PARD3B: variants seen among roughly 807,000 people sequenced by gnomAD.
The protein encoded by PARD3B is partitioning defective 3 homolog B.
PARD3B carries 103 observed loss-of-function variants against 130.2 expected under a neutral mutation model. That is an observed-to-expected ratio of 0.79 (90% confidence interval 0.67 to 0.93). The LOEUF is 0.93. Ranked by LOEUF, PARD3B falls within the 40% of genes least tolerant of loss-of-function variation. The pLI is 0.00. For synonymous variants in PARD3B, 583 were observed against 553.2 expected (o/e 1.05, Z -0.76); for missense variants, 1,609 against 1,499.2 (o/e 1.07, Z -1.21).
chr2:204,911,405 A>G (rs1446441192), intron 2 of PARD3B, among the ~76,000 whole-genome samples: 3 of 152,242 alleles, frequency 2.0e-5, no homozygotes, highest in Non-Finnish European at 4.4e-5. Flanking sequence ...AACAAATTGT[A>G]TAGAAAACAC....
intron 18 of PARD3B, among the ~76,000 whole-genome samples, chr2:205,336,069 G>C (rs2043304601): frequency 6.6e-6 from 1 of 152,154 alleles, no homozygotes; most frequent in Admixed American, 6.5e-5. Context: ...GGCCAGGCTG[G>C]TCTCAAACTC....
intron 15 of PARD3B, among the ~76,000 whole-genome samples, chr2:205,204,493 C>G (rs1020849986): frequency 6.6e-6 from 1 of 152,084 alleles, no homozygotes; most frequent in Non-Finnish European, 1.5e-5. Flanking sequence ...GTTGCCATTG[C>G]TTTTGGTGTT....
At chr2:205,081,252 T>C (rs559866640) in intron 4 of PARD3B, among the ~76,000 whole-genome samples, 1 of 152,068 alleles carries the variant, frequency 6.6e-6, no homozygotes, top group Non-Finnish European at 1.5e-5. Flanking sequence ...ATTTTTGTCA[T>C]TTATTTTAAA....
chr2:204,574,702 C>A (rs2032167095), intron 1 of PARD3B, among the ~76,000 whole-genome samples: 1 of 152,150 alleles, frequency 6.6e-6, no homozygotes, highest in Admixed American at 6.5e-5. Flanking sequence ...TAAATGAGGT[C>A]ACATTTCTGA....
chr2:205,007,776 G>A (rs1695391524), intron 3 of PARD3B, among the ~76,000 whole-genome samples: 1 of 152,054 alleles, frequency 6.6e-6, no homozygotes, highest in South Asian at 2.1e-4. Context: ...GATTGCTTTG[G>A]GCAGTATGAT....
chr2:205,222,740 A>T (rs944038337), intron 15 of PARD3B, among the ~76,000 whole-genome samples: 1 of 152,192 alleles, frequency 6.6e-6, no homozygotes, highest in Non-Finnish European at 1.5e-5. Context: ...TCTGAGAATC[A>T]TGAAAGCTTT....
rs2041494642 is a variant in PARD3B at position 205,288,784 on chromosome 2, A to G, written c.2186-11746A>G. ...CACCTCCTACTTCTCTTACCTATATATCATCCATCTTCAAGGATATGACCC... is the reference window on the plus strand; with the variant it reads ...CACCTCCTACTTCTCTTACCTATATGTCATCCATCTTCAAGGATATGACCC... On this transcript the variant is annotated intron_variant, in intron 16 of 22. Transcript: ENST00000406610. This position sits in a 1 kb window ranked among gnomAD's most constrained non-coding sequence, Gnocchi z 4.0. Among the ~76,000 whole-genome samples, 1 of 152,124 alleles carries G rather than the reference A, an allele frequency of 6.6e-6. No homozygotes were observed. The highest frequency in any genetic ancestry group is 2.4e-5 in the African/African-American group (1 of 41,442).
intron 3 of PARD3B, among the ~76,000 whole-genome samples, chr2:204,986,812 C>T (rs993586188): frequency 1.3e-5 from 2 of 152,186 alleles, no homozygotes; most frequent in Admixed American, 6.5e-5. Flanking sequence ...CCACCTTTTA[C>T]GTCCTGCCAT....
intron 2 of PARD3B, among the ~76,000 whole-genome samples, chr2:204,711,252 G>C (rs1209369148): frequency 6.6e-6 from 1 of 152,052 alleles, no homozygotes; most frequent in Non-Finnish European, 1.5e-5. Context: ...CATATTTCTA[G>C]AATACTGACA....
At chr2:204,888,881 T>A (rs905174044) in intron 2 of PARD3B, among the ~76,000 whole-genome samples, 2 of 152,112 alleles carry the variant, frequency 1.3e-5, no homozygotes, top group African/African-American at 2.4e-5. Flanking sequence ...ACTAGGTATT[T>A]TATGAAACAT....
At chr2:205,054,437 T>TATATATATATATATATATATA (rs1491373014) in intron 4 of PARD3B, among the ~76,000 whole-genome samples, 9 of 27,510 alleles carry the variant, frequency 3.3e-4, no homozygotes, top group South Asian at 4.5e-3. Flanking sequence ...TATATATATA[T>TATATATATATATATATATATA]TTTTTTTTTT....
intron 2 of PARD3B, among the ~76,000 whole-genome samples, chr2:204,872,540 T>C (rs1202464649): frequency 6.6e-6 from 1 of 152,168 alleles, no homozygotes; most frequent in East Asian, 1.9e-4. Context: ...TATGCGGTTT[T>C]CTTGACTTGT....
chr2:204,754,372 C>T lies in PARD3B; in HGVS notation c.222+68090C>T, dbSNP rs190073709. Among the ~76,000 whole-genome samples, 752 of 152,222 alleles carry T rather than the reference C, an allele frequency of 4.9e-3. 2 individuals are homozygous for T. Among genetic ancestry groups the T allele is most frequent in the Non-Finnish European group, 7.5e-3 (509 of 68,016 alleles). On this transcript the variant is annotated intron_variant, in intron 2 of 22. Transcript: ENST00000406610. The stretch of plus-strand genomic sequence containing the variant: ...AGCTCATAATGTTAAAGAGAGGGAA[C>T]TCGAAAGGCAGTCTTCCTGGGTTTA...
chr2:205,080,974 A>G (rs1054135875), intron 4 of PARD3B, among the ~76,000 whole-genome samples: 1 of 151,774 alleles, frequency 6.6e-6, no homozygotes, highest in Non-Finnish European at 1.5e-5. Flanking sequence ...GATTTCATCC[A>G]TCTCCCTCCT....
At chr2:205,107,788 A>T (rs963337683) in intron 5 of PARD3B, among the ~76,000 whole-genome samples, 1 of 152,238 alleles carries the variant, frequency 6.6e-6, no homozygotes, top group African/African-American at 2.4e-5. Flanking sequence ...TACAATATGC[A>T]TCTCTTATGA....
intron 1 of PARD3B, among the ~76,000 whole-genome samples, chr2:204,662,582 G>T (rs903196177): frequency 2.0e-5 from 3 of 152,104 alleles, no homozygotes; most frequent in African/African-American, 7.2e-5. Flanking sequence ...TGCTTCATGT[G>T]TACTTCCTAT....
Position 205,146,628 on chromosome 2 carries a change from G to T in PARD3B, c.1435-12094G>T, listed in dbSNP as rs1365465596. On this transcript the variant is annotated intron_variant, in intron 10 of 22. Transcript: ENST00000406610. This position sits in a 1 kb window ranked among gnomAD's most constrained non-coding sequence, Gnocchi z 4.3. The stretch of plus-strand genomic sequence containing the variant: ...ATAGCGCCACTGCACTCCAGCCTGG[G>T]CGACAGAGCGAGACTCCGCCTCAAA... Among the ~76,000 whole-genome samples the T allele has an allele frequency of 2.6e-5, 4 of 151,930 alleles. No individual in the cohort carries two copies. The highest frequency in any genetic ancestry group is 2.6e-4 in the Admixed American group (4 of 15,268).
intron 2 of PARD3B, among the ~76,000 whole-genome samples, chr2:204,721,722 C>T (rs1043755506): frequency 1.3e-5 from 2 of 151,934 alleles, no homozygotes; most frequent in African/African-American, 4.8e-5. Context: ...AGTCAGTATC[C>T]TTTTGGCCAT....
intron 1 of PARD3B, among the ~76,000 whole-genome samples, chr2:204,546,851 A>G (rs774071230): frequency 1.3e-5 from 2 of 152,076 alleles, no homozygotes; most frequent in African/African-American, 4.8e-5. Context: ...TTAAGTGACA[A>G]TTTTTTTTAA....
Sources: gnomAD v4.1 joint callset for allele counts (sites outside exome capture counted in the v4.1 genomes callset) on GRCh38, gnomAD v4.1.1 for gene constraint, Gnocchi (gnomAD v3.1) non-coding constraint, MANE v1.5 for transcripts, NCBI Gene and HGNC (gene_info 2026-07-23, HGNC 2026-07-21) for gene names.